The following CTNNBL1 variants were observed in gnomAD, a reference collection of about 807,000 sequenced individuals.
CTNNBL1 encodes catenin beta like 1.
CTNNBL1 carries 31 observed loss-of-function variants against 72.7 expected under a neutral mutation model. The observed-to-expected ratio is 0.43, with a 90% confidence interval of 0.32 to 0.58. The LOEUF (loss-of-function observed/expected upper bound fraction) is 0.58, where lower values mean the gene tolerates loss of function less well. CTNNBL1 is among the 20% of genes least tolerant of loss of function. CTNNBL1 has a pLI of 0.08. For synonymous variants in CTNNBL1, 240 were observed against 267.3 expected (o/e 0.90, Z 1.00); for missense variants, 534 against 725.1 (o/e 0.74, Z 3.03).
At chr20:37,788,694 C>G (rs530058751) in intron 10 of CTNNBL1, among the ~76,000 whole-genome samples, 8 of 152,364 alleles carry the variant, frequency 5.3e-5, no homozygotes, top group African/African-American at 1.9e-4. Flanking sequence ...CCTTTCAACT[C>G]TCTTCTTCCG....
At chr20:37,802,809 T>C in intron 10 of CTNNBL1, 58 bp from the exon 11 acceptor site, 1 of 1,431,566 alleles carries the variant, frequency 7.0e-7, no homozygotes, top group Non-Finnish European at 9.6e-7. Context: ...CCTTTTTTTT[T>C]TTTAAGCTCT....
chr20:37,791,542 G>A (rs958054728), intron 10 of CTNNBL1, among the ~76,000 whole-genome samples: 1 of 151,890 alleles, frequency 6.6e-6, no homozygotes. Flanking sequence ...GTCCATTTTG[G>A]GGGTAAGGGG....
At chr20:37,851,137 A>G (rs1202020578) in intron 13 of CTNNBL1, among the ~76,000 whole-genome samples, 1 of 151,814 alleles carries the variant, frequency 6.6e-6, no homozygotes, top group East Asian at 1.9e-4. Context: ...TACACATACC[A>G]CCTCCTTGTG....
At chr20:37,722,153 G>T (rs55949725) in intron 1 of CTNNBL1, among the ~76,000 whole-genome samples, 4 of 152,074 alleles carry the variant, frequency 2.6e-5, no homozygotes, top group Non-Finnish European at 5.9e-5. Context: ...ATCATCTTAT[G>T]TTCTTTGTCA....
intron 7 of CTNNBL1, among the ~76,000 whole-genome samples, chr20:37,769,719 A>G (rs1336139056): frequency 6.6e-6 from 1 of 152,238 alleles, no homozygotes; most frequent in East Asian, 1.9e-4. Context: ...GCCCTCAGGC[A>G]GGCAAGGATC....
chr20:37,814,215 G>C (rs1404602402), intron 11 of CTNNBL1, among the ~76,000 whole-genome samples: 2 of 152,138 alleles, frequency 1.3e-5, no homozygotes, highest in Non-Finnish European at 2.9e-5. Context: ...GGTTTTTTTA[G>C]ATCATAAATT....
intron 1 of CTNNBL1, among the ~76,000 whole-genome samples, chr20:37,708,189 CT>C (rs760708336): frequency 3.5e-3 from 499 of 142,550 alleles, no homozygotes; most frequent in Middle Eastern, 7.4e-3. Context: ...GATAGACTTT[CT>C]TTTTTTTTTT....
At chr20:37,826,783 C>T (rs1230080750) in intron 11 of CTNNBL1, among the ~76,000 whole-genome samples, 1 of 152,120 alleles carries the variant, frequency 6.6e-6, no homozygotes, top group African/African-American at 2.4e-5. Flanking sequence ...ATTTTTGATG[C>T]AGAAAGTAAG....
intron 10 of CTNNBL1, among the ~76,000 whole-genome samples, chr20:37,800,114 T>C (rs1175887341): frequency 6.6e-6 from 1 of 152,206 alleles, no homozygotes; most frequent in Non-Finnish European, 1.5e-5. Context: ...CCAAAGGGGA[T>C]ATTATTTCTG....
chr20:37,791,650 G>A lies in CTNNBL1; in HGVS notation c.1032-11217G>A, dbSNP rs982689599. 1.6e-4 allele frequency among the ~76,000 whole-genome samples: 24 copies of A among 152,212 alleles called. 1 individual carries two copies. The highest frequency in any genetic ancestry group is 3.9e-4 in the Admixed American group (6 of 15,286). ...CCAGAATGCACAGCAGAAGGTGAGC[G>A]GCAGGTGAGTGAGCATTACTGCCTG... On this transcript the variant is annotated intron_variant, in intron 10 of 15. Coordinates refer to ENST00000361383, the MANE Select transcript of CTNNBL1 (RefSeq NM_030877.5).
intron 13 of CTNNBL1, among the ~76,000 whole-genome samples, chr20:37,849,866 G>A (rs184480836): frequency 6.6e-6 from 1 of 152,354 alleles, no homozygotes; most frequent in Non-Finnish European, 1.5e-5. Context: ...CTTCATCAGT[G>A]AAAGGATGAG....
chr20:37,772,497 C>T (rs947696028), intron 7 of CTNNBL1, among the ~76,000 whole-genome samples: 16 of 152,128 alleles, frequency 1.1e-4, no homozygotes, highest in Non-Finnish European at 2.2e-4. Flanking sequence ...TACAGGCGCC[C>T]GCCACCACAT....
At chr20:37,837,722 C>G (rs924280377) in intron 11 of CTNNBL1, among the ~76,000 whole-genome samples, 5 of 152,156 alleles carry the variant, frequency 3.3e-5, no homozygotes, top group African/African-American at 1.2e-4. Flanking sequence ...CCTGTTTGCC[C>G]CCATGCCCAC....
intron 1 of CTNNBL1, among the ~76,000 whole-genome samples, chr20:37,732,118 G>A (rs2073134048): frequency 6.6e-6 from 1 of 152,188 alleles, no homozygotes; most frequent in Admixed American, 6.5e-5. Context: ...GGTGTGACAT[G>A]ATAACTCATT....
rs182649908 is a variant in CTNNBL1 at position 37,712,824 on chromosome 20, G to A, written c.30+18672G>A. Among the ~76,000 whole-genome samples the A allele has an allele frequency of 1.6e-4, 24 of 152,326 alleles. No individual in the cohort carries two copies. The East Asian group carries it at 4.6e-3, about 29-fold the overall frequency. Reference sequence around the variant, plus strand: ...ATAACACAAATTAGCAAAGATACAAGCATATCTGCAGAGGAACAGATTTCC... The same window carrying A: ...ATAACACAAATTAGCAAAGATACAAACATATCTGCAGAGGAACAGATTTCC... On this transcript the variant is annotated intron_variant, in intron 1 of 15. Coordinates refer to ENST00000361383, the MANE Select transcript of CTNNBL1 (RefSeq NM_030877.5).
intron 13 of CTNNBL1, among the ~76,000 whole-genome samples, chr20:37,847,621 T>C (rs2072357382): frequency 1.3e-5 from 2 of 152,164 alleles, no homozygotes; most frequent in African/African-American, 2.4e-5. Flanking sequence ...GCTAAGTGTA[T>C]AGAGCATGCC....
chr20:37,750,893 A>G (rs887097467), intron 4 of CTNNBL1: 2 of 152,170 alleles, frequency 1.3e-5, no homozygotes, highest in African/African-American at 2.4e-5. Flanking sequence ...GTGCCTTGGG[A>G]ACAGTATGCT....
At position 37,730,878 on chromosome 20, in the gene CTNNBL1, T is replaced by A. The variant is rs6122930; in HGVS notation, c.31-2001T>A. Among the ~76,000 whole-genome samples, 426 of 152,312 alleles carry A rather than the reference T, an allele frequency of 2.8e-3. 4 individuals are homozygous for A. The highest frequency in any genetic ancestry group is 0.017 in the East Asian group (88 of 5,184). ...GAGTATGGTAGAAAGGTCCTTGGAC[T>A]AGGAGTCTGGAAGTGCCAGTTCTAT... On this transcript the variant is annotated intron_variant, in intron 1 of 15. Coordinates refer to ENST00000361383, the MANE Select transcript of CTNNBL1 (RefSeq NM_030877.5).
chr20:37,867,133 T>G (rs1457019639), intron 15 of CTNNBL1, among the ~76,000 whole-genome samples: 1 of 152,246 alleles, frequency 6.6e-6, no homozygotes, highest in Non-Finnish European at 1.5e-5. Context: ...AGCGCAACTT[T>G]CAACCTTCCA....
Sources: allele counts gnomAD v4.1 joint callset (sites outside exome capture counted in the v4.1 genomes callset), GRCh38; gene constraint gnomAD v4.1.1; transcripts MANE v1.5; gene names NCBI Gene and HGNC (gene_info 2026-07-23, HGNC 2026-07-21).